The following LMCD1 variants were observed in gnomAD, a reference collection of about 807,000 sequenced individuals.
The protein encoded by LMCD1 is LIM and cysteine rich domains 1, also known as LIM and cysteine-rich domains protein 1.
Under a neutral mutation model 42.7 loss-of-function variants are expected in LMCD1, and 32 were observed. The observed-to-expected ratio is 0.75, with a 90% CI of 0.57 to 1.01. LMCD1 has a LOEUF of 1.01. Ranked by LOEUF, LMCD1 falls within the 50% of genes least tolerant of loss-of-function variation. The probability of loss-of-function intolerance (pLI) is 0.00; values close to 1 mark genes in which losing one functional copy is unlikely to be tolerated. For synonymous variants in LMCD1, 178 were observed against 184.9 expected, an observed-to-expected ratio of 0.96 and a Z score of 0.30; for missense variants, 458 against 483.1, an observed-to-expected ratio of 0.95 and a Z score of 0.49.
intron 1 of LMCD1, among the ~76,000 whole-genome samples, chr3:8,527,221 G>A (rs1694317623): frequency 6.6e-6 from 1 of 152,192 alleles, no homozygotes; most frequent in African/African-American, 2.4e-5. Flanking sequence ...CATGATCACT[G>A]GGAAAGATAA....
intron 4 of LMCD1, chr3:8,549,731 C>T (rs1447454994): frequency 2.9e-6 from 2 of 686,754 alleles, no homozygotes; most frequent in Non-Finnish European, 5.3e-6. Context: ...TCTGTGGAGG[C>T]TGAGAAGTCC....
chr3:8,562,914 G>A (rs1462357587), intron 4 of LMCD1, among the ~76,000 whole-genome samples: 1 of 152,188 alleles, frequency 6.6e-6, no homozygotes, highest in African/African-American at 2.4e-5. Context: ...GCCCCTGAAA[G>A]GCAAGAGTGT....
chr3:8,556,182 C>T (rs1195716402), intron 4 of LMCD1, among the ~76,000 whole-genome samples: 1 of 152,126 alleles, frequency 6.6e-6, no homozygotes, highest in South Asian at 2.1e-4. Flanking sequence ...TTACTTAATC[C>T]TAAGAATTAT....
At chr3:8,561,392 T>C in intron 4 of LMCD1, among the ~76,000 whole-genome samples, 1 of 152,230 alleles carries the variant, frequency 6.6e-6, no homozygotes, top group East Asian at 1.9e-4. Context: ...TTTTTTTTTT[T>C]TTTTTTCCAA....
In LMCD1 at chr3:8,547,952, C is replaced by T. The variant is rs532092268; in HGVS notation, c.388-616C>T. Among the ~76,000 whole-genome samples the T allele has an allele frequency of 3.3e-5, 5 of 152,050 alleles. No individual in the cohort carries two copies. The South Asian group carries it at 1.0e-3, about 32-fold the overall frequency. On this transcript the variant is annotated intron_variant, in intron 3 of 5. Transcript: ENST00000157600. Reference sequence around the variant, plus strand: ...TGTAGCCTGCTACGCATCTAGGCTACGCAGTATAGCCTATTGCTCCTAGGC... The same window carrying T: ...TGTAGCCTGCTACGCATCTAGGCTATGCAGTATAGCCTATTGCTCCTAGGC...
intron 1 of LMCD1, among the ~76,000 whole-genome samples, chr3:8,506,542 A>G (rs1486816953): frequency 6.6e-6 from 1 of 152,150 alleles, no homozygotes; most frequent in African/African-American, 2.4e-5. Context: ...TCCTCTCGCA[A>G]CTCACTAGAG....
chr3:8,523,904 G>T (rs1432425943), intron 1 of LMCD1, among the ~76,000 whole-genome samples: 1 of 152,174 alleles, frequency 6.6e-6, no homozygotes, highest in Non-Finnish European at 1.5e-5. Context: ...CTTTCAGGAA[G>T]GGCAACAAAT....
chr3:8,574,560 T>G lies in LMCD1; in HGVS notation c.*6962T>G, dbSNP rs556893799. 6.6e-6 allele frequency: 1 copy of G among 152,340 alleles called. No homozygotes were observed. Among genetic ancestry groups the G allele is most frequent in the African/African-American group, 2.4e-5 (1 of 41,584 alleles). 9.4% of individuals were successfully genotyped at this position (152,340 alleles called of 1,614,324 possible). A position where few individuals can be genotyped will look rare whatever the true frequency, so the allele number is the denominator to read the frequency against. ...AGAAGCCAAGTGGCACAGCTCATCT[T>G]GAAGTAATTATAATGCCACTAAAAT... On this transcript the variant is annotated 3_prime_UTR_variant, in exon 6 of 6. Coordinates refer to ENST00000157600, the MANE Select transcript of LMCD1 (RefSeq NM_014583.4).
chr3:8,528,405 A>T (rs1694341650), intron 1 of LMCD1, among the ~76,000 whole-genome samples: 1 of 152,114 alleles, frequency 6.6e-6, no homozygotes, highest in Non-Finnish European at 1.5e-5. Flanking sequence ...TATGTTGCAC[A>T]GGCTGGTCTT....
chr3:8,550,932 A>G, intron 4 of LMCD1: 2 of 985,452 alleles, frequency 2.0e-6, no homozygotes, highest in Non-Finnish European at 2.4e-6. Flanking sequence ...GTGTGGAACA[A>G]AGGCAAAGGC....
At chr3:8,527,301 G>A (rs915832212) in intron 1 of LMCD1, among the ~76,000 whole-genome samples, 5 of 152,148 alleles carry the variant, frequency 3.3e-5, no homozygotes, top group African/African-American at 1.2e-4. Flanking sequence ...TGCCTTCAAA[G>A]GAGCTCCAAT....
chr3:8,550,664 A>G, intron 4 of LMCD1: 2 of 985,094 alleles, frequency 2.0e-6, no homozygotes, highest in Non-Finnish European at 2.4e-6. Flanking sequence ...GGAAGAATAC[A>G]TGTCCTAAGG....
At chr3:8,528,142 A>G (rs546937936) in intron 1 of LMCD1, among the ~76,000 whole-genome samples, 48 of 152,246 alleles carry the variant, frequency 3.2e-4, no homozygotes, top group African/African-American at 1.1e-3. Context: ...CCAGTGCCAT[A>G]TTGCCTCCAT....
intron 1 of LMCD1, among the ~76,000 whole-genome samples, chr3:8,528,769 T>C (rs568850795): frequency 1.3e-5 from 2 of 152,252 alleles, no homozygotes; most frequent in East Asian, 1.9e-4. Context: ...ACATTTTTTT[T>C]CCCTCTAAGA....
chr3:8,569,857 T>C lies in LMCD1; in HGVS notation c.*2259T>C, dbSNP rs1340809810. ...CAAAAAATACAAAAACTATCTGGCA[T>C]GGTGGCACACCTGTAGTATCAGTTA... On this transcript the variant is annotated 3_prime_UTR_variant, in exon 6 of 6. Coordinates refer to ENST00000157600, the MANE Select transcript of LMCD1 (RefSeq NM_014583.4). The C allele has an allele frequency of 6.6e-6, 1 of 152,114 alleles. No individual in the cohort carries two copies. The highest frequency in any genetic ancestry group is 1.5e-5 in the Non-Finnish European group (1 of 68,208). The allele number at this position is 152,114 out of a possible 1,614,324, so 9.4% of individuals were successfully genotyped here.
chr3:8,514,130 G>A (rs1233444775), intron 1 of LMCD1, among the ~76,000 whole-genome samples: 1 of 151,994 alleles, frequency 6.6e-6, no homozygotes, highest in African/African-American at 2.4e-5. Flanking sequence ...CATACATAGA[G>A]AGATCTGGGT....
intron 5 of LMCD1, among the ~76,000 whole-genome samples, chr3:8,566,908 G>T (rs1345672298): frequency 6.6e-6 from 1 of 152,186 alleles, no homozygotes; most frequent in Non-Finnish European, 1.5e-5. Context: ...CACAAAGCTG[G>T]TAGATGTCTT....
At chr3:8,524,447 G>A (rs909790903) in intron 1 of LMCD1, among the ~76,000 whole-genome samples, 7 of 152,208 alleles carry the variant, frequency 4.6e-5, no homozygotes, top group Admixed American at 6.5e-5. Context: ...GTTTCCCTTC[G>A]GTCTGGTTAA....
chr3:8,505,419 C>T (rs1559343141), intron 1 of LMCD1, among the ~76,000 whole-genome samples: 2 of 152,192 alleles, frequency 1.3e-5, no homozygotes, highest in African/African-American at 4.8e-5. Flanking sequence ...CTTGGAGTGC[C>T]TTACTTTTTA....
Sources: allele counts gnomAD v4.1 joint callset (sites outside exome capture counted in the v4.1 genomes callset), GRCh38; gene constraint gnomAD v4.1.1; transcripts MANE v1.5; gene names NCBI Gene and HGNC (gene_info 2026-07-23, HGNC 2026-07-21).